TRIM21: variants seen among roughly 807,000 people sequenced by gnomAD.
TRIM21 encodes the protein tripartite motif containing 21.
In TRIM21, 35 loss-of-function variants were observed where a neutral mutation model predicts 36.1. The observed-to-expected ratio is 0.97, with a 90% CI of 0.74 to 1.28. The LOEUF is 1.28. TRIM21 is among the 50% of genes most tolerant of loss of function. The probability of loss-of-function intolerance (pLI) is 0.00; values close to 1 mark genes in which losing one functional copy is unlikely to be tolerated. For synonymous variants in TRIM21, 256 were observed against 211.5 expected (o/e 1.21, Z -1.83); for missense variants, 635 against 570.7 (o/e 1.11, Z -1.15).
chr11:4,392,321 CT>C (rs2094963936), intron 1 of TRIM21, among the ~76,000 whole-genome samples: 1 of 152,124 alleles, frequency 6.6e-6, no homozygotes, highest in South Asian at 2.1e-4. Context: ...AATCCCAGCA[CT>C]TTGGGAGGCC....
chr11:4,385,071 C>A lies in TRIM21; in HGVS notation c.*214G>T. On this transcript the variant is annotated 3_prime_UTR_variant, in exon 7 of 7. Coordinates refer to ENST00000254436, the MANE Select transcript of TRIM21 (RefSeq NM_003141.4). ...TTGGTTGATCAAGATGAGTTTGGGC[C>A]AAATATAAGGAGGCTGCTTCACTGG... The A allele has an allele frequency of 3.8e-6, 2 of 526,862 alleles. No homozygotes were observed. The highest frequency in any genetic ancestry group is 6.6e-6 in the Non-Finnish European group (2 of 301,838). 32.6% of individuals were successfully genotyped at this position (526,862 alleles called of 1,614,324 possible). A position where few individuals can be genotyped will look rare whatever the true frequency, so the allele number is the denominator to read the frequency against.
At position 4,385,806 on chromosome 11, in the gene TRIM21, A is replaced by T; in HGVS notation, c.907T>A (p.Ser303Thr). ...PDTANPWLILSEDRRQVRLGD... is the reference protein window; with the variant it reads ...PDTANPWLILTEDRRQVRLGD... The stretch of plus-strand genomic sequence containing the variant: ...AGCCTCACTTGTCTCCGATCTTCTG[A>T]AAGTATCAGCCACGGATTGGCTGTG... Residue 303 changes from serine to threonine, a missense_variant, in exon 7 of 7, where the codon TCA becomes ACA. Ser to Thr is a moderately conservative substitution (Grantham distance 58). Coordinates refer to ENST00000254436, the MANE Select transcript of TRIM21 (RefSeq NM_003141.4). 1 of 1,613,352 alleles carries T rather than the reference A, an allele frequency of 6.2e-7. No homozygotes were observed. Among genetic ancestry groups the T allele is most frequent in the Non-Finnish European group, 8.5e-7 (1 of 1,179,670 alleles).
chr11:4,387,662 C>A (rs910255995), intron 4 of TRIM21, among the ~76,000 whole-genome samples: 1 of 152,026 alleles, frequency 6.6e-6, no homozygotes, highest in African/African-American at 2.4e-5. Flanking sequence ...TTGAGACCAG[C>A]CTGACCAACA....
In TRIM21 at chr11:4,385,873, G is replaced by C; in HGVS notation, c.860-20C>G. Reference sequence around the variant, plus strand: ...TGTGGACTGCAGAGAGAGGACCACAGTCAGGCCTTGCATGGGGGGAGTTCA... The same window carrying C: ...TGTGGACTGCAGAGAGAGGACCACACTCAGGCCTTGCATGGGGGGAGTTCA... On this transcript the variant is annotated intron_variant, in intron 6 of 6. Coordinates refer to ENST00000254436, the MANE Select transcript of TRIM21 (RefSeq NM_003141.4). 1 of 1,583,776 alleles carries C rather than the reference G, an allele frequency of 6.3e-7. No homozygotes were observed. Among genetic ancestry groups the C allele is most frequent in the Non-Finnish European group, 8.6e-7 (1 of 1,164,024 alleles).
At chr11:4,387,122 A>G (rs2094957083) in intron 4 of TRIM21, 132 bp from the exon 5 acceptor site, 6 of 900,152 alleles carry the variant, frequency 6.7e-6, no homozygotes, top group Non-Finnish European at 1.0e-5. Context: ...CCTAGGCCCC[A>G]GAGATGATTC....
intron 3 of TRIM21, 106 bp from the exon 4 acceptor site, chr11:4,388,636 G>T: frequency 1.8e-6 from 2 of 1,093,926 alleles, no homozygotes; most frequent in Non-Finnish European, 2.7e-6. Context: ...TCCACTCTGT[G>T]CTGTCTGGGA....
In TRIM21 at chr11:4,386,260, G is replaced by A. The variant is rs1447715779; in HGVS notation, c.759-3C>T. 1.2e-6 allele frequency: 2 copies of A among 1,612,682 alleles called. No individual in the cohort carries two copies. The highest frequency in any genetic ancestry group is 1.1e-5 in the South Asian group (1 of 90,980). ...CCTTCAGGTTCCAGGACTCACTCCT[G>A]GGGGAAAGAGAGTTTGAGACTCCTG... On this transcript the variant is annotated splice_region_variant and splice_polypyrimidine_tract_variant and intron_variant, in intron 5 of 6. Coordinates refer to ENST00000254436, the MANE Select transcript of TRIM21 (RefSeq NM_003141.4).
At chr11:4,388,979 A>G (rs931428651) in intron 3 of TRIM21, among the ~76,000 whole-genome samples, 2 of 152,118 alleles carry the variant, frequency 1.3e-5, no homozygotes, top group African/African-American at 4.8e-5. Flanking sequence ...GCTTGGGGAC[A>G]TTCTTTGCTT....
intron 1 of TRIM21, among the ~76,000 whole-genome samples, chr11:4,391,574 G>A (rs2133054246): frequency 6.6e-6 from 1 of 152,096 alleles, no homozygotes. Flanking sequence ...CCCACTGCTA[G>A]CATATACCCC....
rs2094961177 is a variant in TRIM21 at position 4,390,085 on chromosome 11, C to G, written c.325G>C (p.Ala109Pro). 6.2e-7 allele frequency: 1 copy of G among 1,614,012 alleles called. No homozygotes were observed. The highest frequency in any genetic ancestry group is 8.5e-7 in the Non-Finnish European group (1 of 1,179,892). The change falls in exon 2 of 7, where the codon GCC becomes CCC. Residue 109 changes from alanine to proline, a missense_variant. Ala to Pro is a conservative substitution (Grantham distance 27). Coordinates refer to ENST00000254436, the MANE Select transcript of TRIM21 (RefSeq NM_003141.4). Reference protein sequence around the residue: ...LHLFCEKDGKALCWVCAQSRK... With the variant: ...LHLFCEKDGKPLCWVCAQSRK... ...GACTGGGCACATACCCAGCAAAGGG[C>G]CTTCCCATCTTTCTCACAGAACAGG...
rs746990888 is a variant in TRIM21 at position 4,385,691 on chromosome 11, T to C, written c.1022A>G (p.Lys341Arg). ...TGTCACATCTACCTCCCAGTAATGT[T>C]TTCCAGAGTGAAAGTGCTGGGCACC... is the stretch of plus-strand genomic sequence containing the variant. ...VLGAQHFHSG[K>R]HYWEVDVTGK... Residue 341 changes from lysine (K) to arginine (R), a missense_variant, in exon 7 of 7, where the codon AAA (lysine) becomes AGA (arginine). By Grantham distance (26) the Lys-to-Arg change is conservative. Coordinates refer to ENST00000254436, the MANE Select transcript of TRIM21 (RefSeq NM_003141.4). 3.8e-5 allele frequency: 61 copies of C among 1,613,252 alleles called. No individual in the cohort carries two copies. The highest frequency in any genetic ancestry group is 4.9e-5 in the Non-Finnish European group (58 of 1,179,656).
chr11:4,386,048 T>G, intron 6 of TRIM21, 109 bp downstream of exon 6: 1 of 1,163,132 alleles, frequency 8.6e-7, no homozygotes, highest in Non-Finnish European at 1.3e-6. Flanking sequence ...CCATCTCTGT[T>G]CCCCCTGCTC....
chr11:4,391,274 A>G (rs1378969140), intron 1 of TRIM21, among the ~76,000 whole-genome samples: 2 of 152,288 alleles, frequency 1.3e-5, no homozygotes, highest in Admixed American at 6.5e-5. Context: ...AGATCTGAAC[A>G]GACATTTCTC....
Position 4,390,458 on chromosome 11 carries a change from G to T in TRIM21, c.-49C>A, listed in dbSNP as rs550206725. 1 of 1,528,512 alleles carries T rather than the reference G, an allele frequency of 6.5e-7. No homozygotes were observed. Among genetic ancestry groups the T allele is most frequent in the Non-Finnish European group, 8.8e-7 (1 of 1,134,396 alleles). 94.7% of individuals were successfully genotyped at this position (1,528,512 alleles called of 1,614,324 possible). A position where few individuals can be genotyped will look rare whatever the true frequency, so the allele number is the denominator to read the frequency against. The stretch of plus-strand genomic sequence containing the variant: ...AGTGTGGAGACCTTTAGGGGGTTTG[G>T]CTGGGAGAGAAGAAGAAAGGGAAAA... On this transcript the variant is annotated splice_region_variant and 5_prime_UTR_variant, in exon 2 of 7. Transcript: ENST00000254436.
intron 3 of TRIM21, among the ~76,000 whole-genome samples, chr11:4,389,405 C>T (rs2094960064): frequency 6.6e-6 from 1 of 152,214 alleles, no homozygotes; most frequent in Non-Finnish European, 1.5e-5. Context: ...TAGGGTATAG[C>T]TAGATCCTCT....
chr11:4,391,466 T>C (rs1248543066), intron 1 of TRIM21, among the ~76,000 whole-genome samples: 6 of 152,202 alleles, frequency 3.9e-5, no homozygotes, highest in Non-Finnish European at 7.3e-5. Context: ...TACACTCATA[T>C]GCTGTTGGTG....
chr11:4,392,027 G>C (rs2133054529), intron 1 of TRIM21, among the ~76,000 whole-genome samples: 1 of 152,152 alleles, frequency 6.6e-6, no homozygotes, highest in African/African-American at 2.4e-5. Flanking sequence ...TAGTACAACA[G>C]GGTGACTATA....
intron 1 of TRIM21, 127 bp from the exon 2 acceptor site, chr11:4,390,585 A>T (rs1303334650): frequency 7.7e-6 from 5 of 650,402 alleles, no homozygotes; most frequent in Non-Finnish European, 1.3e-5. Context: ...ACAATCCTAA[A>T]ATTTATATGG....
chr11:4,390,336 T>G lies in TRIM21; in HGVS notation c.74A>C (p.Glu25Ala). The change falls in exon 2 of 7, where the codon GAG (glutamate) becomes GCG (alanine). Residue 25 changes from glutamate (E) to alanine (A), a missense_variant. Physicochemically the swap from Glu to Ala is moderately radical, Grantham distance 107 (BLOSUM62 -1). Coordinates refer to ENST00000254436, the MANE Select transcript of TRIM21 (RefSeq NM_003141.4). Reference protein sequence around the residue: ...TCPICLDPFVEPVSIECGHSF... With the variant: ...TCPICLDPFVAPVSIECGHSF... ...GTGGCCACACTCGATGCTCACAGGC[T>G]CCACGAAGGGGTCCAGGCAGATAGG... 2 of 1,613,924 alleles carry G rather than the reference T, an allele frequency of 1.2e-6. No individual in the cohort carries two copies. The highest frequency in any genetic ancestry group is 8.5e-7 in the Non-Finnish European group (1 of 1,179,878).
Sources: allele counts gnomAD v4.1 joint callset (sites outside exome capture counted in the v4.1 genomes callset), GRCh38; gene constraint gnomAD v4.1.1; transcripts MANE v1.5; gene names NCBI Gene and HGNC (gene_info 2026-07-23, HGNC 2026-07-21).